Variants in CERKL observed in about 807,000 individuals in gnomAD.
The protein encoded by CERKL is ceramide kinase-like protein.
A neutral mutation model predicts 63.4 loss-of-function variants in CERKL; 61 were observed. That is an observed-to-expected ratio of 0.96 (90% CI 0.78 to 1.19). The LOEUF is 1.19. Among genes scored for constraint, CERKL ranks in the 50% most tolerant of loss-of-function variants. The pLI is 0.00. For synonymous variants in CERKL, 250 were observed against 230.5 expected, an observed-to-expected ratio of 1.08 and a Z score of -0.77; for missense variants, 675 against 655.5, an observed-to-expected ratio of 1.03 and a Z score of -0.33.
chr2:181,615,354 T>A (rs1471239696), intron 1 of CERKL, among the ~76,000 whole-genome samples: 1 of 152,206 alleles, frequency 6.6e-6, no homozygotes, highest in Admixed American at 6.5e-5. Flanking sequence ...TTAACAAAAA[T>A]AGAACAGCGA....
chr2:181,553,785 A>T (rs1217173577), intron 5 of CERKL, among the ~76,000 whole-genome samples: 1 of 152,214 alleles, frequency 6.6e-6, no homozygotes, highest in Non-Finnish European at 1.5e-5. Flanking sequence ...AGAAAAAAGG[A>T]AAGTTTATGA....
chr2:181,547,810 T>C lies in CERKL; in HGVS notation c.1159+12A>G. On this transcript the variant is annotated intron_variant, in intron 9 of 12. Transcript: ENST00000410087. ...CCTGGCACAGTTCTCAAGGAGATAC[T>C]TTTCGACTCACCAGATTTGGGAGAT... 2 of 1,613,990 alleles carry C rather than the reference T, an allele frequency of 1.2e-6. No homozygotes were observed. Among genetic ancestry groups the C allele is most frequent in the Middle Eastern group, 1.6e-4 (1 of 6,062 alleles).
chr2:181,590,309 C>T (rs971257050), intron 2 of CERKL, among the ~76,000 whole-genome samples: 25 of 151,640 alleles, frequency 1.6e-4, no homozygotes, highest in African/African-American at 5.6e-4. Flanking sequence ...AGCTAATGTT[C>T]TTCTATTTTT....
rs909696059 is a variant in CERKL at position 181,568,392 on chromosome 2, G to A, written c.614-2271C>T. ...TGTTCCATCATCTACCCCAAGACAG[G>A]AAAATGACTTCTTTCTAGAGTGTCC... On this transcript the variant is annotated intron_variant, in intron 3 of 12. Transcript: ENST00000410087. Among the ~76,000 whole-genome samples, 13 of 152,222 alleles carry A rather than the reference G, an allele frequency of 8.5e-5. No homozygotes were observed. The East Asian group carries it at 1.9e-3, about 23-fold the overall frequency.
intron 2 of CERKL, among the ~76,000 whole-genome samples, chr2:181,581,184 C>T (rs1292356418): frequency 6.6e-6 from 1 of 152,092 alleles, no homozygotes; most frequent in African/African-American, 2.4e-5. Context: ...GTAATGTGGC[C>T]AGGTTATTCT....
In CERKL at chr2:181,635,200, A is replaced by G. The variant is rs148499726; in HGVS notation, c.238+21569T>C. ...TAAAAATAAAGCTCACCCATGAGAT[A>G]TTTCCAGAGTAGGTTTGATCCCAAT... On this transcript the variant is annotated intron_variant, in intron 1 of 12. Coordinates refer to ENST00000410087, the MANE Select transcript of CERKL (RefSeq NM_201548.5). 3.2e-4 allele frequency among the ~76,000 whole-genome samples: 49 copies of G among 152,290 alleles called. No individual in the cohort carries two copies. The East Asian group carries it at 8.7e-3, about 27-fold the overall frequency.
In CERKL at chr2:181,558,907, A is replaced by G. The variant is rs1688320636; in HGVS notation, c.678-199T>C. Among the ~76,000 whole-genome samples, 1 of 152,180 alleles carries G rather than the reference A, an allele frequency of 6.6e-6. No homozygotes were observed. The highest frequency in any genetic ancestry group is 2.1e-4 in the South Asian group (1 of 4,834). ...CAGGTAAGTTTACTTCACAAATATA[A>G]TAACTAGATAATTCCCCATAGACAA... On this transcript the variant is annotated intron_variant, in intron 4 of 12. Coordinates refer to ENST00000410087, the MANE Select transcript of CERKL (RefSeq NM_201548.5). This position sits in a 1 kb window ranked among gnomAD's most constrained non-coding sequence, Gnocchi z 4.2.
intron 1 of CERKL, among the ~76,000 whole-genome samples, chr2:181,607,617 A>G (rs187011540): frequency 2.6e-5 from 4 of 152,326 alleles, no homozygotes. Flanking sequence ...GTACACTTGC[A>G]TCTGGTCAGC....
At chr2:181,568,829 T>TC (rs1353716368) in intron 3 of CERKL, among the ~76,000 whole-genome samples, 3 of 139,260 alleles carry the variant, frequency 2.2e-5, no homozygotes, top group African/African-American at 5.3e-5. Flanking sequence ...ATGCTATCCC[T>TC]CCCCCCTCCC....
intron 2 of CERKL, among the ~76,000 whole-genome samples, chr2:181,600,570 G>A (rs748329110): frequency 3.1e-4 from 47 of 152,110 alleles, no homozygotes; most frequent in Non-Finnish European, 5.7e-4. Flanking sequence ...TGCTATACTT[G>A]TATGAGAAGA....
chr2:181,592,997 T>C (rs1265330735), intron 2 of CERKL, among the ~76,000 whole-genome samples: 1 of 152,110 alleles, frequency 6.6e-6, no homozygotes, highest in Non-Finnish European at 1.5e-5. Context: ...CTATAGAAGC[T>C]CAATACATAC....
Position 181,589,898 on chromosome 2 carries a change from C to A in CERKL, c.481+13939G>T, listed in dbSNP as rs114532090. ...GGAGTGCAATGGCACAATCACTGCT[C>A]ACTGCAGCCTTGACCTCCCCAGGCT... On this transcript the variant is annotated intron_variant, in intron 2 of 12. Transcript: ENST00000410087. Among the ~76,000 whole-genome samples, 1,207 of 152,238 alleles carry A rather than the reference C, an allele frequency of 7.9e-3. 14 individuals carry two copies. The highest frequency in any genetic ancestry group is 0.017 in the Middle Eastern group (5 of 294).
chr2:181,587,211 A>G (rs79269303), intron 2 of CERKL, among the ~76,000 whole-genome samples: 2 of 152,204 alleles, frequency 1.3e-5, no homozygotes, highest in Admixed American at 1.3e-4. Context: ...AGATGAAAAT[A>G]ATTTTAATGC....
At chr2:181,650,804 C>T (rs1687899168) in intron 1 of CERKL, among the ~76,000 whole-genome samples, 1 of 151,384 alleles carries the variant, frequency 6.6e-6, no homozygotes, top group African/African-American at 2.4e-5. Context: ...CAAACTAATC[C>T]CAAAGTTGGT....
intron 5 of CERKL, among the ~76,000 whole-genome samples, chr2:181,554,829 T>C (rs1033400990): frequency 6.6e-6 from 1 of 152,122 alleles, no homozygotes; most frequent in Admixed American, 6.6e-5. Context: ...CCTGCCTAGT[T>C]CTAGTTCCCA....
At chr2:181,644,666 T>C (rs556444251) in intron 1 of CERKL, among the ~76,000 whole-genome samples, 1 of 152,180 alleles carries the variant, frequency 6.6e-6, no homozygotes, top group South Asian at 2.1e-4. Context: ...TAACGCAAAG[T>C]TGAAAAGAAC....
At chr2:181,614,126 G>A (rs907200163) in intron 1 of CERKL, among the ~76,000 whole-genome samples, 21 of 149,854 alleles carry the variant, frequency 1.4e-4, no homozygotes, top group African/African-American at 5.0e-4. Context: ...CTGTGGGGTC[G>A]CAGGCCACTG....
At chr2:181,577,091 C>A (rs186856131) in intron 2 of CERKL, among the ~76,000 whole-genome samples, 1 of 152,292 alleles carries the variant, frequency 6.6e-6, no homozygotes, top group Non-Finnish European at 1.5e-5. Context: ...ATATTTATAA[C>A]AGGTTCCCAG....
chr2:181,548,401 G>C, intron 8 of CERKL, 144 bp downstream of exon 8: 1 of 686,382 alleles, frequency 1.5e-6, no homozygotes, highest in Admixed American at 2.5e-5. Flanking sequence ...TTGCTTACTA[G>C]GACCTGTAAG....
Sources: allele counts gnomAD v4.1 joint callset (sites outside exome capture counted in the v4.1 genomes callset), GRCh38; gene constraint gnomAD v4.1.1; non-coding constraint Gnocchi (gnomAD v3.1); transcripts MANE v1.5; gene names NCBI Gene and HGNC (gene_info 2026-07-23, HGNC 2026-07-21).